The following DFFB variants were observed in gnomAD, a reference collection of about 807,000 sequenced individuals.
DFFB encodes the protein DNA fragmentation factor 40 kDa subunit.
A neutral mutation model predicts 32.7 loss-of-function variants in DFFB; 29 were observed. The ratio of observed to expected loss-of-function variants is 0.89; its 90% confidence interval spans 0.66 to 1.21. The LOEUF (loss-of-function observed/expected upper bound fraction) is 1.21, where lower values mean the gene tolerates loss of function less well. Ranked by LOEUF, DFFB falls within the 50% of genes most tolerant of loss-of-function variation. DFFB has a pLI of 0.00. For synonymous variants in DFFB, 170 were observed against 177.1 expected, an observed-to-expected ratio of 0.96 and a Z score of 0.32; for missense variants, 398 against 440.6, an observed-to-expected ratio of 0.90 and a Z score of 0.87.
chr1:3,872,251 G>A (rs190485027), intron 5 of DFFB, among the ~76,000 whole-genome samples: 44 of 152,132 alleles, frequency 2.9e-4, no homozygotes, highest in Middle Eastern at 3.4e-3. Flanking sequence ...TGTCTCTACT[G>A]AAAATACAAA....
At chr1:3,872,716 C>T (rs896178983) in intron 6 of DFFB, 144 bp downstream of exon 6, 16 of 774,238 alleles carry the variant, frequency 2.1e-5, no homozygotes, top group East Asian at 5.3e-5. Context: ...GGGCTGCACC[C>T]GTGTTACAGC....
rs374595988 is a variant in DFFB, at chr1:3,885,140, G to A, written c.*1399G>A. The A allele has an allele frequency of 6.6e-6, 1 of 152,164 alleles. No homozygotes were observed. The highest frequency in any genetic ancestry group is 6.5e-5 in the Admixed American group (1 of 15,270). 9.4% of individuals were successfully genotyped at this position (152,164 alleles called of 1,614,324 possible). A position where few individuals can be genotyped will look rare whatever the true frequency, so the allele number is the denominator to read the frequency against. On this transcript the variant is annotated 3_prime_UTR_variant, in exon 7 of 7. Coordinates refer to ENST00000378209, the MANE Select transcript of DFFB (RefSeq NM_004402.4). Reference sequence around the variant, plus strand: ...CGTTGGTCAGCGTTACTATCATCTCGGATCATATGGAGCTCATGTCAGCCG... The same window carrying A: ...CGTTGGTCAGCGTTACTATCATCTCAGATCATATGGAGCTCATGTCAGCCG...
In DFFB at chr1:3,872,554, C is replaced by G; in HGVS notation, c.764C>G (p.Thr255Ser). 1 of 1,613,770 alleles carries G rather than the reference C, an allele frequency of 6.2e-7. No individual in the cohort carries two copies. The highest frequency in any genetic ancestry group is 8.5e-7 in the Non-Finnish European group (1 of 1,179,914). The change falls in exon 6 of 7, where the codon ACC (threonine) becomes AGC (serine). Residue 255 changes from threonine to serine, a missense_variant. By Grantham distance (58) the Thr-to-Ser change is moderately conservative. Transcript: ENST00000378209. ...AGGGAGAGCAGGATCCTCTTCAGCACCTGGAACCTGGATCACATGTAAGCT... is the reference window on the plus strand; with the variant it reads ...AGGGAGAGCAGGATCCTCTTCAGCAGCTGGAACCTGGATCACATGTAAGCT... The part of the protein sequence containing the change: ...SNRESRILFS[T>S]WNLDHIIEKK...
At chr1:3,872,648 T>C (rs79548119) in intron 6 of DFFB, 76 bp downstream of exon 6, 25,256 of 420,262 alleles carry the variant, frequency 0.06, 408 homozygotes, top group South Asian at 0.097. Context: ...GTCCCTGCCA[T>C]GGCCCTGTCC....
In DFFB at chr1:3,872,518, C is replaced by T. The variant is rs1380914964; in HGVS notation, c.728C>T (p.Pro243Leu). 2 of 1,614,176 alleles carry T rather than the reference C, an allele frequency of 1.2e-6. No individual in the cohort carries two copies. Among genetic ancestry groups the T allele is most frequent in the Non-Finnish European group, 1.7e-6 (2 of 1,180,026 alleles). The stretch of plus-strand genomic sequence containing the variant: ...TGCTTATCAAGACACTCCATCAACC[C>T]CTACAGTAACAGGGAGAGCAGGATC... Reference protein sequence around the residue: ...DSCLSRHSINPYSNRESRILF... With the variant: ...DSCLSRHSINLYSNRESRILF... The change falls in exon 6 of 7, where the codon CCC becomes CTC. Residue 243 changes from proline to leucine, a missense_variant. Physicochemically the swap from Pro to Leu is moderately conservative, Grantham distance 98. Transcript: ENST00000378209.
rs1342914359 is a variant in DFFB, at chr1:3,872,469, C to T, written c.682-3C>T. On this transcript the variant is annotated splice_polypyrimidine_tract_variant and splice_region_variant and intron_variant, in intron 5 of 6. Coordinates refer to ENST00000378209, the MANE Select transcript of DFFB (RefSeq NM_004402.4). ...CCTTCCCTCATTGTCTTTTGGCCCC[C>T]AGGGTCCCTTTGACATGGACAGCTG... 1.2e-6 allele frequency: 2 copies of T among 1,613,132 alleles called. No individual in the cohort carries two copies. The highest frequency in any genetic ancestry group is 2.2e-5 in the East Asian group (1 of 44,870).
chr1:3,868,896 C>T (rs985967901), intron 4 of DFFB, among the ~76,000 whole-genome samples: 24 of 152,230 alleles, frequency 1.6e-4, no homozygotes, highest in Admixed American at 6.5e-5. Flanking sequence ...TGCATCTCTT[C>T]GAGGTCCTGG....
At chr1:3,861,688 A>G (rs1396352862) in intron 2 of DFFB, among the ~76,000 whole-genome samples, 3 of 152,212 alleles carry the variant, frequency 2.0e-5, no homozygotes, top group Non-Finnish European at 4.4e-5. Context: ...TTGGCCTCCC[A>G]AAGTGTTGGG....
intron 2 of DFFB, 164 bp downstream of exon 2, chr1:3,859,008 A>G: frequency 1.1e-6 from 1 of 951,124 alleles, no homozygotes; most frequent in Non-Finnish European, 1.5e-6. Context: ...AGCGTCGCTT[A>G]GGTGGCAGAG....
At position 3,885,184 on chromosome 1, in the gene DFFB, A is replaced by C. The variant is rs1189084727; in HGVS notation, c.*1443A>C. 6 of 152,192 alleles carry C rather than the reference A, an allele frequency of 3.9e-5. No individual in the cohort carries two copies. The highest frequency in any genetic ancestry group is 5.9e-5 in the Non-Finnish European group (4 of 68,036). The allele number at this position is 152,192 out of a possible 1,614,324, so 9.4% of individuals were successfully genotyped here. On this transcript the variant is annotated 3_prime_UTR_variant, in exon 7 of 7. Coordinates refer to ENST00000378209, the MANE Select transcript of DFFB (RefSeq NM_004402.4). ...TCAGCCGTGTGGGTGGCGGGTGCAC[A>C]GAGACGGTCTGGAAGGAAACACGCG... is the stretch of plus-strand genomic sequence containing the variant.
At chr1:3,871,490 T>C (rs888303684) in intron 5 of DFFB, among the ~76,000 whole-genome samples, 22 of 152,182 alleles carry the variant, frequency 1.4e-4, no homozygotes, top group African/African-American at 5.1e-4. Flanking sequence ...TTTCACCATA[T>C]TGGCCAGGCT....
At chr1:3,861,249 T>C (rs377581199) in intron 2 of DFFB, among the ~76,000 whole-genome samples, 7 of 152,076 alleles carry the variant, frequency 4.6e-5, no homozygotes, top group African/African-American at 1.7e-4. Flanking sequence ...GCTCCCGAGA[T>C]GCATGTAAGT....
At chr1:3,867,948 T>TG (rs751383491) in intron 3 of DFFB, 26 bp from the exon 4 acceptor site, 61 of 1,612,680 alleles carry the variant, frequency 3.8e-5, no homozygotes, top group Non-Finnish European at 4.3e-5. Flanking sequence ...CCTGTGGACT[T>TG]GGGGGTCTTC....
chr1:3,879,402 A>T (rs1297836316), intron 6 of DFFB, among the ~76,000 whole-genome samples: 1 of 152,124 alleles, frequency 6.6e-6, no homozygotes, highest in Non-Finnish European at 1.5e-5. Flanking sequence ...ATGTTCCCCA[A>T]GATTCGTATG....
At position 3,869,655 on chromosome 1, in the gene DFFB, GCGGGTCCT is replaced by G. The variant is rs1158254354; in HGVS notation, c.565_572del (p.Val189LeufsTer40). On this transcript the variant is annotated frameshift_variant, in exon 5 of 7. Transcript: ENST00000378209. LOFTEE classifies it high-confidence loss of function. ...GTGCGGAGGCTCAGGAGGAATTCCT[GCGGGTCCT>G]CGGCTCCATGTGCCAGAGGCTCCGG... 6.2e-7 allele frequency: 1 copy of G among 1,613,424 alleles called. No homozygotes were observed. Among genetic ancestry groups the G allele is most frequent in the Non-Finnish European group, 8.5e-7 (1 of 1,179,854 alleles).
chr1:3,873,281 A>T (rs1645156202), intron 6 of DFFB: 1 of 155,822 alleles, frequency 6.4e-6, no homozygotes, highest in African/African-American at 2.4e-5. Flanking sequence ...TTAAACTGAG[A>T]TGCATTCCTT....
chr1:3,865,828 G>A lies in DFFB; in HGVS notation c.258G>A (p.Arg86=). Residue 86 remains arginine (R), a synonymous_variant, in exon 3 of 7, where the codon AGG becomes AGA. Transcript: ENST00000378209. This position sits in a 1 kb window ranked among gnomAD's most constrained non-coding sequence, Gnocchi z 4.7. ...QAWQGYVSDI[R]RFLSAFHEPQ... is the part of the protein sequence containing the mutation. Reference sequence around the variant, plus strand: ...TGGTGGCAGATGTGAGCGACATCAGGCGCTTCCTCAGTGCATTTCACGAGC... The same window carrying A: ...TGGTGGCAGATGTGAGCGACATCAGACGCTTCCTCAGTGCATTTCACGAGC... 1 of 1,614,160 alleles carries A rather than the reference G, an allele frequency of 6.2e-7. No individual in the cohort carries two copies. The highest frequency in any genetic ancestry group is 8.5e-7 in the Non-Finnish European group (1 of 1,180,044).
intron 6 of DFFB, among the ~76,000 whole-genome samples, chr1:3,875,901 C>T (rs982785249): frequency 2.6e-5 from 4 of 152,158 alleles, no homozygotes; most frequent in Non-Finnish European, 2.9e-5. Flanking sequence ...CTCAGCTTCC[C>T]GAGTAGCTGG....
chr1:3,861,880 C>A (rs545615344), intron 2 of DFFB, among the ~76,000 whole-genome samples: 206 of 152,104 alleles, frequency 1.4e-3, no homozygotes, highest in African/African-American at 4.7e-3. Context: ...CAGGGTCTAG[C>A]CAGGACATTT....
Sources: allele counts gnomAD v4.1 joint callset (sites outside exome capture counted in the v4.1 genomes callset), GRCh38; gene constraint gnomAD v4.1.1; non-coding constraint Gnocchi (gnomAD v3.1); transcripts MANE v1.5; gene names NCBI Gene and HGNC (gene_info 2026-07-23, HGNC 2026-07-21).